Variants in ACVR1 observed in about 807,000 individuals in gnomAD.
ACVR1 encodes the protein activin A receptor type 1.
ACVR1 carries 38 observed loss-of-function variants against 57.1 expected under a neutral mutation model. That is an observed-to-expected ratio of 0.67 (90% CI 0.51 to 0.87). The LOEUF (loss-of-function observed/expected upper bound fraction) is 0.87, where lower values mean the gene tolerates loss of function less well. Ranked by LOEUF, ACVR1 falls within the 40% of genes least tolerant of loss-of-function variation. The pLI is 0.00. For synonymous variants in ACVR1, 212 were observed against 228.1 expected (o/e 0.93, Z 0.63); for missense variants, 463 against 638.2 (o/e 0.73, Z 2.96).
rs376533717 is a variant in ACVR1, at chr2:157,741,810, T to C, written c.1265-3240A>G. Among the ~76,000 whole-genome samples the C allele has an allele frequency of 7.9e-5, 12 of 152,046 alleles. 1 individual carries two copies. The highest frequency in any genetic ancestry group is 7.2e-4 in the Admixed American group (11 of 15,264). ...CAGAGGAGGAAACACCTCCATGGTA[T>C]CACAAGTCCCCATATATAAACTGGG... On this transcript the variant is annotated intron_variant, in intron 9 of 10. Coordinates refer to ENST00000434821, the MANE Select transcript of ACVR1 (RefSeq NM_001111067.4).
chr2:157,820,767 T>C (rs1169845272), intron 1 of ACVR1, among the ~76,000 whole-genome samples: 1 of 152,156 alleles, frequency 6.6e-6, no homozygotes, highest in Non-Finnish European at 1.5e-5. Context: ...ATATTCTATA[T>C]GACGAACAAC....
rs751792175 is a variant in ACVR1, at chr2:157,774,059, C to T, written c.643+29G>A. 33 of 1,586,782 alleles carry T rather than the reference C, an allele frequency of 2.1e-5. No individual in the cohort carries two copies. The South Asian group carries it at 3.4e-4, about 16-fold the overall frequency. On this transcript the variant is annotated intron_variant, in intron 6 of 10. Transcript: ENST00000434821. ...AAAACAAAACTAACATTGCATATTACCCACAAAGAAAGGAAAAAAAAGAAT... is the reference window on the plus strand; with the variant it reads ...AAAACAAAACTAACATTGCATATTATCCACAAAGAAAGGAAAAAAAAGAAT...
At chr2:157,850,744 G>C (rs552009782) in intron 1 of ACVR1, among the ~76,000 whole-genome samples, 3 of 152,102 alleles carry the variant, frequency 2.0e-5, no homozygotes. Context: ...ATCACTTGAG[G>C]TCAAGGGTTT....
At chr2:157,804,455 C>A (rs1043910619) in intron 2 of ACVR1, among the ~76,000 whole-genome samples, 4 of 152,140 alleles carry the variant, frequency 2.6e-5, no homozygotes, top group Admixed American at 6.5e-5. Flanking sequence ...GTAGTCATAG[C>A]TGCATATCTT....
chr2:157,773,966 C>G lies in ACVR1; in HGVS notation c.643+122G>C, dbSNP rs144387460. ...TAGTCATACAGAATAGAGACCACAT[C>G]TCATAAGTTTAATAAGGAAACAACA... On this transcript the variant is annotated intron_variant, in intron 6 of 10. Coordinates refer to ENST00000434821, the MANE Select transcript of ACVR1 (RefSeq NM_001111067.4). 1,594 of 808,804 alleles carry G rather than the reference C, an allele frequency of 2.0e-3. 14 individuals are homozygous for G. In the African/African-American group the frequency reaches 0.022, roughly 11 times the overall value. 50.1% of individuals were successfully genotyped at this position (808,804 alleles called of 1,614,324 possible).
At position 157,873,671 on chromosome 2, in the gene ACVR1, A is replaced by T. The variant is rs1038612433; in HGVS notation, c.-183+2125T>A. Among the ~76,000 whole-genome samples, 5 of 152,102 alleles carry T rather than the reference A, an allele frequency of 3.3e-5. 1 individual carries two copies. In the East Asian group the frequency reaches 9.6e-4, roughly 29 times the overall value. On this transcript the variant is annotated intron_variant, in intron 1 of 10. Coordinates refer to ENST00000434821, the MANE Select transcript of ACVR1 (RefSeq NM_001111067.4). The stretch of plus-strand genomic sequence containing the variant: ...CTCCCTCAGAAGACTGGACTACTCA[A>T]TCCAAGCCTGAGAATTACCTAGAAG...
chr2:157,860,854 T>C (rs1159411370), intron 1 of ACVR1, among the ~76,000 whole-genome samples: 1 of 152,212 alleles, frequency 6.6e-6, no homozygotes, highest in African/African-American at 2.4e-5. Flanking sequence ...TCTCAAACTT[T>C]TAGAAGCATT....
chr2:157,774,629 A>G (rs1372632772), intron 5 of ACVR1, among the ~76,000 whole-genome samples: 4 of 151,992 alleles, frequency 2.6e-5, no homozygotes, highest in African/African-American at 9.7e-5. Context: ...CTCCCAAAGC[A>G]CTGGGATTAC....
chr2:157,853,521 A>T (rs1689399603), intron 1 of ACVR1, among the ~76,000 whole-genome samples: 1 of 152,218 alleles, frequency 6.6e-6, no homozygotes, highest in Non-Finnish European at 1.5e-5. Context: ...TCAATTGGGA[A>T]GGACAAAATT....
At chr2:157,783,322 G>A (rs1016029434) in intron 3 of ACVR1, among the ~76,000 whole-genome samples, 3 of 152,194 alleles carry the variant, frequency 2.0e-5, no homozygotes, top group African/African-American at 7.2e-5. Context: ...TTTTTGACAG[G>A]CTGTGCAGGG....
chr2:157,850,827 C>T (rs1336301343), intron 1 of ACVR1, among the ~76,000 whole-genome samples: 1 of 152,028 alleles, frequency 6.6e-6, no homozygotes, highest in East Asian at 1.9e-4. Flanking sequence ...TGTGGTGGTG[C>T]ACATCTGTAA....
At chr2:157,806,623 T>C (rs1297237526) in intron 2 of ACVR1, 1 of 152,160 alleles carries the variant, frequency 6.6e-6, no homozygotes, top group African/African-American at 2.4e-5. Flanking sequence ...CAAAAGGCAA[T>C]GAGCTAACCC....
Position 157,738,530 on chromosome 2 carries a change from AACC to A in ACVR1, c.1302_1304del (p.Val435del). 1 of 1,614,138 alleles carries A rather than the reference AACC, an allele frequency of 6.2e-7. No individual in the cohort carries two copies. Among genetic ancestry groups the A allele is most frequent in the Non-Finnish European group, 8.5e-7 (1 of 1,179,988 alleles). On this transcript the variant is annotated inframe_deletion, in exon 10 of 11. Transcript: ENST00000434821. ...TATCTTCAAAACTTGGGTCATTGGGAACCACATCGTAGAACGGTGGCTTGTAAT... is the reference window on the plus strand; with the variant it reads ...TATCTTCAAAACTTGGGTCATTGGGAACATCGTAGAACGGTGGCTTGTAAT...
intron 1 of ACVR1, among the ~76,000 whole-genome samples, chr2:157,842,619 C>A (rs1689016424): frequency 6.6e-6 from 1 of 152,168 alleles, no homozygotes; most frequent in South Asian, 2.1e-4. Flanking sequence ...GCATAAGGAA[C>A]TCTTCAACTC....
chr2:157,738,211 T>A (rs1684614133), intron 10 of ACVR1, among the ~76,000 whole-genome samples: 1 of 152,352 alleles, frequency 6.6e-6, no homozygotes, highest in African/African-American at 2.4e-5. Flanking sequence ...CAGAAATTCT[T>A]ACAAATATTG....
chr2:157,767,029 TTTTC>T (rs1464804332), intron 7 of ACVR1, among the ~76,000 whole-genome samples: 1 of 149,604 alleles, frequency 6.7e-6, no homozygotes, highest in Non-Finnish European at 1.5e-5. Context: ...AGATTTTTCT[TTTTC>T]TTTTTCTTTT....
chr2:157,796,962 T>C (rs1207894438), intron 3 of ACVR1, among the ~76,000 whole-genome samples: 1 of 152,200 alleles, frequency 6.6e-6, no homozygotes, highest in African/African-American at 2.4e-5. Flanking sequence ...GAGTGGAATA[T>C]AAACTAGATA....
chr2:157,820,091 G>A (rs1318203351), intron 1 of ACVR1, among the ~76,000 whole-genome samples: 1 of 152,088 alleles, frequency 6.6e-6, no homozygotes, highest in Admixed American at 6.5e-5. Context: ...CTATCAAACC[G>A]TTCCTCACTT....
chr2:157,827,925 C>T (rs1273811297), intron 1 of ACVR1, among the ~76,000 whole-genome samples: 2 of 152,182 alleles, frequency 1.3e-5, no homozygotes, highest in African/African-American at 4.8e-5. Context: ...CAAGTCACTA[C>T]GTTTCCTTCT....
Sources: allele counts gnomAD v4.1 joint callset (sites outside exome capture counted in the v4.1 genomes callset), GRCh38; gene constraint gnomAD v4.1.1; transcripts MANE v1.5; gene names NCBI Gene and HGNC (gene_info 2026-07-23, HGNC 2026-07-21).